ASCC2: variants seen among roughly 807,000 people sequenced by gnomAD.
ASCC2 encodes activating signal cointegrator 1 complex subunit 2, also known as ASC-1 complex subunit P100.
ASCC2 carries 42 observed loss-of-function variants against 93.5 expected under a neutral mutation model. The observed-to-expected ratio is 0.45, with a 90% CI of 0.35 to 0.58. The LOEUF is 0.58. Among genes scored for constraint, ASCC2 ranks in the 20% least tolerant of loss-of-function variants. The pLI is 0.00. For missense variants in ASCC2, 859 were observed against 977.6 expected, an observed-to-expected ratio of 0.88 and a Z score of 1.62; for synonymous variants, 364 against 384.2, an observed-to-expected ratio of 0.95 and a Z score of 0.62.
chr22:29,834,396 A>G (rs934452266), intron 1 of ASCC2: 22 of 431,512 alleles, frequency 5.1e-5, no homozygotes, highest in African/African-American at 3.1e-4. Flanking sequence ...CTGGTACCCA[A>G]GGAACCTTGG....
At position 29,793,633 on chromosome 22, in the gene ASCC2, G is replaced by T. The variant is rs1342986845; in HGVS notation, c.1732C>A (p.Arg578Ser). The change falls in exon 16 of 20, where the codon CGT becomes AGT. Residue 578 changes from arginine (R) to serine (S), a missense_variant. Physicochemically the swap from Arg to Ser is moderately radical, Grantham distance 110. Coordinates refer to ENST00000307790, the MANE Select transcript of ASCC2 (RefSeq NM_032204.5). ...ENTRSLLNDK[R>S]AVAAQRQRYE... is the part of the protein sequence containing the mutation. ...CGCTGCCGCTGTGCCGCCACTGCAC[G>T]CTTGTCGTTCAGCAAACTCCGCGTG... is the stretch of plus-strand genomic sequence containing the variant. The T allele has an allele frequency of 4.4e-6, 7 of 1,601,026 alleles. No individual in the cohort carries two copies. In the East Asian group the frequency reaches 6.8e-5, roughly 16 times the overall value.
chr22:29,807,113 G>A (rs1017132527), intron 9 of ASCC2, among the ~76,000 whole-genome samples: 3 of 151,660 alleles, frequency 2.0e-5, no homozygotes, highest in African/African-American at 7.3e-5. Flanking sequence ...TGGTGATGCA[G>A]GCCTGTAGTT....
At position 29,804,627 on chromosome 22, in the gene ASCC2, C is replaced by G. The variant is rs11703594; in HGVS notation, c.1353+11G>C. 15,872 of 1,612,418 alleles carry G rather than the reference C, an allele frequency of 9.8e-3. 90 individuals are homozygous for G. The highest frequency in any genetic ancestry group is 0.023 in the Middle Eastern group (141 of 6,052). On this transcript the variant is annotated intron_variant, in intron 13 of 19. Transcript: ENST00000307790. ...CAAGCGAAGAGGGAAAAGCGCCACT[C>G]AGACACATACCTCCTCTTCCTCCGA...
At chr22:29,790,592 A>G in intron 18 of ASCC2, 44 bp from the exon 19 acceptor site, 1 of 1,590,470 alleles carries the variant, frequency 6.3e-7, no homozygotes, top group Non-Finnish European at 8.6e-7. Flanking sequence ...AGGAGCTGCC[A>G]CATTTTCCTA....
At chr22:29,827,097 CAA>C (rs58520896) in intron 2 of ASCC2, among the ~76,000 whole-genome samples, 248 of 57,196 alleles carry the variant, frequency 4.3e-3, no homozygotes, top group African/African-American at 0.013. Flanking sequence ...GACTCCATCT[CAA>C]AAAAAAAAAA....
chr22:29,822,177 T>G (rs972727820), intron 5 of ASCC2, 158 bp downstream of exon 5: 1 of 881,874 alleles, frequency 1.1e-6, no homozygotes, highest in African/African-American at 1.7e-5. Flanking sequence ...CTAGTCATTT[T>G]GAGGTGACAC....
chr22:29,827,469 TGC>T, intron 2 of ASCC2: 1 of 417,656 alleles, frequency 2.4e-6, no homozygotes, highest in South Asian at 1.8e-5. Context: ...GCCTTCCTAG[TGC>T]CTTACGCGAG....
intron 4 of ASCC2, among the ~76,000 whole-genome samples, chr22:29,824,191 GA>G (rs1172450312): frequency 6.9e-6 from 1 of 145,388 alleles, no homozygotes; most frequent in African/African-American, 2.5e-5. Flanking sequence ...TAAAAACAAA[GA>G]AAAAGGAAGA....
intron 2 of ASCC2, among the ~76,000 whole-genome samples, chr22:29,828,039 A>G (rs2148312261): frequency 6.6e-6 from 1 of 152,272 alleles, no homozygotes; most frequent in Non-Finnish European, 1.5e-5. Context: ...CTAAATCACC[A>G]AGTGAGCACA....
intron 18 of ASCC2, among the ~76,000 whole-genome samples, chr22:29,790,835 T>C (rs1272856056): frequency 6.6e-6 from 1 of 152,036 alleles, no homozygotes; most frequent in African/African-American, 2.4e-5. Context: ...GGCATAACAA[T>C]GACAAATGGG....
intron 13 of ASCC2, among the ~76,000 whole-genome samples, chr22:29,802,927 C>T (rs779842249): frequency 4.6e-4 from 68 of 149,226 alleles, no homozygotes; most frequent in Admixed American, 1.0e-3. Flanking sequence ...CAGAGCAAGA[C>T]CCTGTCTCAA....
At chr22:29,801,439 T>C (rs1191344858) in intron 14 of ASCC2, among the ~76,000 whole-genome samples, 2 of 152,210 alleles carry the variant, frequency 1.3e-5, no homozygotes, top group Non-Finnish European at 2.9e-5. Flanking sequence ...TCACTCAACC[T>C]CATTGTGCCT....
intron 4 of ASCC2, among the ~76,000 whole-genome samples, chr22:29,822,971 C>A (rs1029878675): frequency 6.6e-6 from 1 of 152,026 alleles, no homozygotes; most frequent in African/African-American, 2.4e-5. Context: ...GAGCTTGCCT[C>A]GGCCTCCCAA....
In ASCC2 at chr22:29,804,720, T is replaced by G; in HGVS notation, c.1271A>C (p.Asn424Thr). ...AKDPSVIEEP[N>T]GEPNGVTVTA... Reference sequence around the variant, plus strand: ...CACCGTGACCCCGTTAGGCTCCCCATTAGGCTCCTCAATCACCGATGGGTC... The same window carrying G: ...CACCGTGACCCCGTTAGGCTCCCCAGTAGGCTCCTCAATCACCGATGGGTC... The change falls in exon 13 of 20, where the codon AAT (asparagine) becomes ACT (threonine). Residue 424 changes from asparagine to threonine, a missense_variant. Asn to Thr is a moderately conservative substitution (Grantham distance 65). Coordinates refer to ENST00000307790, the MANE Select transcript of ASCC2 (RefSeq NM_032204.5). The G allele has an allele frequency of 2.5e-6, 4 of 1,614,100 alleles. No individual in the cohort carries two copies. Among genetic ancestry groups the G allele is most frequent in the Non-Finnish European group, 3.4e-6 (4 of 1,180,004 alleles).
chr22:29,820,287 C>T (rs749306021), intron 5 of ASCC2, among the ~76,000 whole-genome samples: 4 of 151,976 alleles, frequency 2.6e-5, no homozygotes, highest in East Asian at 1.9e-4. Context: ...CTCAGCCTCC[C>T]GGGTAGCTGG....
intron 4 of ASCC2, among the ~76,000 whole-genome samples, chr22:29,823,461 A>T (rs527870190): frequency 1.3e-5 from 2 of 152,368 alleles, no homozygotes; most frequent in South Asian, 2.1e-4. Context: ...TTCAGGAAAA[A>T]AGAGAACTAA....
intron 4 of ASCC2, among the ~76,000 whole-genome samples, chr22:29,824,251 T>TACACACACACACACACACAC: frequency 6.8e-6 from 1 of 146,456 alleles, no homozygotes; most frequent in Non-Finnish European, 1.5e-5. Flanking sequence ...ATTTTTTAAA[T>TACACACACACACACACACAC]ACACACACAC....
intron 2 of ASCC2, among the ~76,000 whole-genome samples, chr22:29,827,824 C>T (rs1961926): frequency 0.5 from 50,552 of 100,562 alleles, 15,627 homozygotes; most frequent in African/African-American, 0.64. Flanking sequence ...CACACACACA[C>T]ACACACATAC....
At chr22:29,813,336 A>G in intron 8 of ASCC2, 94 bp downstream of exon 8, 2 of 928,214 alleles carry the variant, frequency 2.2e-6, no homozygotes, top group Non-Finnish European at 3.5e-6. Flanking sequence ...GTACATTCTA[A>G]GCACCCAGTA....
Sources: allele counts gnomAD v4.1 joint callset (sites outside exome capture counted in the v4.1 genomes callset), GRCh38; gene constraint gnomAD v4.1.1; transcripts MANE v1.5; gene names NCBI Gene and HGNC (gene_info 2026-07-23, HGNC 2026-07-21).